LRP6: variants seen among roughly 807,000 people sequenced by gnomAD.
The protein encoded by LRP6 is LDL receptor related protein 6.
Under a neutral mutation model 184.1 loss-of-function variants are expected in LRP6, and 43 were observed. That is an observed-to-expected ratio of 0.23 (90% CI 0.18 to 0.30). The LOEUF is 0.30. Among genes scored for constraint, LRP6 ranks in the 10% least tolerant of loss-of-function variants. The probability of loss-of-function intolerance (pLI) is 1.00; values close to 1 mark genes in which losing one functional copy is unlikely to be tolerated. For missense variants in LRP6, 1,571 were observed against 2,005.3 expected (o/e 0.78, Z 4.14); for synonymous variants, 719 against 684.9 (o/e 1.05, Z -0.78).
chr12:12,146,161 T>C (rs907022104), intron 15 of LRP6, among the ~76,000 whole-genome samples: 1 of 152,230 alleles, frequency 6.6e-6, no homozygotes, highest in South Asian at 2.1e-4. Context: ...TCACAAATAA[T>C]GCTCAGCAAA....
intron 7 of LRP6, among the ~76,000 whole-genome samples, chr12:12,169,666 G>C (rs748468771): frequency 2.0e-5 from 3 of 152,176 alleles, no homozygotes; most frequent in Non-Finnish European, 4.4e-5. Flanking sequence ...TAGTTCCTGA[G>C]AAGGCACAAC....
At position 12,120,028 on chromosome 12, in the gene LRP6, TATATATATATATATAA is replaced by T. The variant is rs1565519310; in HGVS notation, c.*1082_*1097del. 1 of 111,788 alleles carries T rather than the reference TATATATATATATATAA, an allele frequency of 8.9e-6. No homozygotes were observed. The highest frequency in any genetic ancestry group is 3.2e-5 in the African/African-American group (1 of 30,978). 6.9% of individuals were successfully genotyped at this position (111,788 alleles called of 1,614,324 possible). On this transcript the variant is annotated 3_prime_UTR_variant, in exon 23 of 23. Coordinates refer to ENST00000261349, the MANE Select transcript of LRP6 (RefSeq NM_002336.3). ...ATATATATATATATATATATATATA[TATATATATATATATAA>T]ATGATTTCGTACTGTGATATATGCT... is the stretch of plus-strand genomic sequence containing the variant.
At chr12:12,240,150 A>T (rs1162661356) in intron 2 of LRP6, among the ~76,000 whole-genome samples, 2 of 152,224 alleles carry the variant, frequency 1.3e-5, no homozygotes, top group Admixed American at 6.5e-5. Flanking sequence ...CGAAAAGATC[A>T]GTGGTTCTTC....
At chr12:12,254,143 C>CAAAAAAAAAAAAAA (rs34210761) in intron 1 of LRP6, among the ~76,000 whole-genome samples, 3 of 74,346 alleles carry the variant, frequency 4.0e-5, no homozygotes, top group Admixed American at 2.0e-4. Context: ...GACTCTGTCT[C>CAAAAAAAAAAAAAA]AAAAAAAAAA....
intron 7 of LRP6, 32 bp from the exon 8 acceptor site, chr12:12,165,327 G>T: frequency 7.0e-7 from 1 of 1,427,052 alleles, no homozygotes; most frequent in Non-Finnish European, 9.9e-7. Context: ...AGAAGGGGAT[G>T]AATTATGCAT....
At chr12:12,143,468 A>C (rs1054975511) in intron 15 of LRP6, among the ~76,000 whole-genome samples, 1 of 152,200 alleles carries the variant, frequency 6.6e-6, no homozygotes, top group African/African-American at 2.4e-5. Context: ...GGTAATCCTG[A>C]AAAAATACTG....
At chr12:12,124,423 G>A (rs1206546240) in intron 22 of LRP6, 142 bp downstream of exon 22, 1 of 663,694 alleles carries the variant, frequency 1.5e-6, no homozygotes, top group South Asian at 1.8e-5. Context: ...ATTTGTGGTA[G>A]AGGCAATGTC....
At position 12,254,162 on chromosome 12, in the gene LRP6, A is replaced by G. The variant is rs111452383; in HGVS notation, c.56-9507T>C. ...CTGTCTCAAAAAAAAAAAAAAAAAA[A>G]AAAGAAAGAAAGAAAAAGGAAAACT... On this transcript the variant is annotated intron_variant, in intron 1 of 22. Coordinates refer to ENST00000261349, the MANE Select transcript of LRP6 (RefSeq NM_002336.3). Among the ~76,000 whole-genome samples the G allele has an allele frequency of 4.5e-4, 61 of 134,970 alleles. 1 individual carries two copies. The South Asian group carries it at 5.0e-3, about 11-fold the overall frequency. The allele number at this position is 134,970 out of a possible 152,430, so 88.5% of individuals were successfully genotyped here. A position where few individuals can be genotyped will look rare whatever the true frequency, so the allele number is the denominator to read the frequency against.
At chr12:12,130,272 C>T (rs1205938771) in intron 19 of LRP6, among the ~76,000 whole-genome samples, 4 of 149,880 alleles carry the variant, frequency 2.7e-5, no homozygotes, top group South Asian at 2.1e-4. Context: ...ATGCAACCTC[C>T]GCCTCCTGGG....
chr12:12,222,950 G>A (rs1026675048), intron 2 of LRP6, among the ~76,000 whole-genome samples: 3 of 151,902 alleles, frequency 2.0e-5, no homozygotes, highest in Non-Finnish European at 4.4e-5. Context: ...GACCAATTCA[G>A]AAAAACCACC....
At chr12:12,198,530 CTTTTTTTTTT>C (rs56150307) in intron 3 of LRP6, among the ~76,000 whole-genome samples, 2 of 76,992 alleles carry the variant, frequency 2.6e-5, no homozygotes, top group East Asian at 4.1e-4. Context: ...GAATTTTTCT[CTTTTTTTTTT>C]TTTTTTTTTT....
At chr12:12,213,784 A>G (rs761755974) in intron 2 of LRP6, among the ~76,000 whole-genome samples, 2 of 151,786 alleles carry the variant, frequency 1.3e-5, no homozygotes, top group Admixed American at 6.6e-5. Context: ...TGTAACGTAC[A>G]GTATTTTCCT....
At chr12:12,162,965 G>C (rs1247721261) in intron 9 of LRP6, among the ~76,000 whole-genome samples, 4 of 152,166 alleles carry the variant, frequency 2.6e-5, no homozygotes, top group Admixed American at 2.6e-4. Context: ...AGTCCTGCAA[G>C]TATGGCATCA....
chr12:12,152,863 T>C (rs1950101194), intron 12 of LRP6, among the ~76,000 whole-genome samples: 1 of 152,188 alleles, frequency 6.6e-6, no homozygotes, highest in African/African-American at 2.4e-5. Flanking sequence ...AATACTGGCT[T>C]AAATCCCAAA....
chr12:12,259,925 T>C (rs139892501), intron 1 of LRP6, among the ~76,000 whole-genome samples: 7 of 152,300 alleles, frequency 4.6e-5, no homozygotes, highest in East Asian at 1.9e-4. Context: ...AACTGAATAA[T>C]TGTTGTAAAC....
chr12:12,190,022 T>C (rs1192566963), intron 3 of LRP6, among the ~76,000 whole-genome samples: 3 of 152,170 alleles, frequency 2.0e-5, no homozygotes, highest in Admixed American at 1.3e-4. Context: ...GTGTACAAAT[T>C]AGGCAGACTT....
intron 7 of LRP6, among the ~76,000 whole-genome samples, chr12:12,169,115 G>C (rs938692291): frequency 8.6e-5 from 13 of 152,022 alleles, no homozygotes; most frequent in Admixed American, 6.6e-5. Flanking sequence ...TGTAATCCCA[G>C]CTACTTGGGA....
chr12:12,204,359 T>TCA (rs1050710625), intron 2 of LRP6, among the ~76,000 whole-genome samples: 1 of 148,360 alleles, frequency 6.7e-6, no homozygotes, highest in African/African-American at 2.5e-5. Context: ...GATAACTACA[T>TCA]CAAGTGTATG....
chr12:12,171,419 G>A (rs979088084), intron 7 of LRP6, among the ~76,000 whole-genome samples: 5 of 152,174 alleles, frequency 3.3e-5, no homozygotes, highest in South Asian at 4.1e-4. Context: ...CTACTCAGGA[G>A]GTTGAGGCAG....
Sources: gnomAD v4.1 joint callset for allele counts (sites outside exome capture counted in the v4.1 genomes callset) on GRCh38, gnomAD v4.1.1 for gene constraint, MANE v1.5 for transcripts, NCBI Gene and HGNC (gene_info 2026-07-23, HGNC 2026-07-21) for gene names.